MYO9A: variants seen among roughly 807,000 people sequenced by gnomAD.
The protein encoded by MYO9A is myosin IXA.
Under a neutral mutation model 293.3 loss-of-function variants are expected in MYO9A, and 103 were observed. The observed-to-expected ratio is 0.35, with a 90% CI of 0.30 to 0.41. The LOEUF (loss-of-function observed/expected upper bound fraction) is 0.41, where lower values mean the gene tolerates loss of function less well. Among genes scored for constraint, MYO9A ranks in the 10% least tolerant of loss-of-function variants. MYO9A has a pLI of 1.00. For missense variants in MYO9A, 2,685 were observed against 3,033.0 expected, an observed-to-expected ratio of 0.89 and a Z score of 2.69; for synonymous variants, 1,001 against 1,035.7, an observed-to-expected ratio of 0.97 and a Z score of 0.64.
At chr15:72,053,108 CT>C (rs1196834475) in intron 1 of MYO9A, among the ~76,000 whole-genome samples, 2 of 151,970 alleles carry the variant, frequency 1.3e-5, no homozygotes, top group Non-Finnish European at 2.9e-5. Context: ...CTAAAAAAGA[CT>C]TTTTTTTAGG....
chr15:71,904,861 A>G (rs2057585415), intron 20 of MYO9A, 65 bp downstream of exon 20: 2 of 1,199,494 alleles, frequency 1.7e-6, no homozygotes, highest in South Asian at 1.5e-5. Context: ...ATTCTGCTTA[A>G]AAGTATTTAA....
Position 71,935,632 on chromosome 15 carries a change from C to A in MYO9A, c.2379-148G>T, listed in dbSNP as rs2058619659. 3.2e-5 allele frequency: 23 copies of A among 723,926 alleles called. No homozygotes were observed. The South Asian group carries it at 4.8e-4, about 15-fold the overall frequency. 44.8% of individuals were successfully genotyped at this position (723,926 alleles called of 1,614,324 possible). A position where few individuals can be genotyped will look rare whatever the true frequency, so the allele number is the denominator to read the frequency against. ...AAACTGATTTCATCCAAATGACTGCCAATCAGTTGGGACTAACCGTTGTCT... is the reference window on the plus strand; with the variant it reads ...AAACTGATTTCATCCAAATGACTGCAAATCAGTTGGGACTAACCGTTGTCT... On this transcript the variant is annotated intron_variant, in intron 16 of 41. Transcript: ENST00000356056.
intron 4 of MYO9A, among the ~76,000 whole-genome samples, chr15:72,026,286 AAAAAAAAAAAGAAAG>A (rs1197019032): frequency 6.9e-6 from 1 of 144,742 alleles, no homozygotes; most frequent in African/African-American, 2.5e-5. Context: ...AAAAAAAAAA[AAAAAAAAAAAGAAAG>A]AAAAGAAATC....
chr15:71,829,753 G>A lies in MYO9A; in HGVS notation c.7040+356C>T, dbSNP rs111760804. Among the ~76,000 whole-genome samples, 32 of 152,058 alleles carry A rather than the reference G, an allele frequency of 2.1e-4. 1 individual carries two copies. Among genetic ancestry groups the A allele is most frequent in the Middle Eastern group, 3.4e-3 (1 of 294 alleles). ...AATCTGTTCATGGAGGCTGGTCTCCGACCTGTTAGGACTCCAGTACCTCAT... is the reference window on the plus strand; with the variant it reads ...AATCTGTTCATGGAGGCTGGTCTCCAACCTGTTAGGACTCCAGTACCTCAT... On this transcript the variant is annotated intron_variant, in intron 40 of 41. Coordinates refer to ENST00000356056, the MANE Select transcript of MYO9A (RefSeq NM_006901.4).
At chr15:71,885,515 A>C (rs1567229600) in intron 27 of MYO9A, among the ~76,000 whole-genome samples, 1 of 152,080 alleles carries the variant, frequency 6.6e-6, no homozygotes, top group Non-Finnish European at 1.5e-5. Context: ...CTTGTTGAAA[A>C]AAATCTCTCC....
rs1191908867 is a variant in MYO9A, at chr15:71,928,027, AATATATATATAT to A, written c.2562+5631_2562+5642del. Among the ~76,000 whole-genome samples the A allele has an allele frequency of 7.2e-3, 77 of 10,754 alleles. 1 individual carries two copies. Among genetic ancestry groups the A allele is most frequent in the African/African-American group, 0.011 (48 of 4,526 alleles). 7.1% of individuals were successfully genotyped at this position (10,754 alleles called of 152,430 possible). ...GCTGTTTTGATTACAATACCTTTCT[AATATATATATAT>A]ATATATATATATATATATTTTTTTT... On this transcript the variant is annotated intron_variant, in intron 18 of 41. Coordinates refer to ENST00000356056, the MANE Select transcript of MYO9A (RefSeq NM_006901.4).
At position 71,898,791 on chromosome 15, in the gene MYO9A, C is replaced by T. The variant is rs1464417728; in HGVS notation, c.3712G>A (p.Ala1238Thr). The T allele has an allele frequency of 3.7e-6, 6 of 1,614,156 alleles. No homozygotes were observed. Among genetic ancestry groups the T allele is most frequent in the Non-Finnish European group, 5.1e-6 (6 of 1,180,032 alleles). Residue 1238 changes from alanine (A) to threonine (T), a missense_variant, in exon 25 of 42, where the codon GCC becomes ACC. Physicochemically the swap from Ala to Thr is moderately conservative, Grantham distance 58. Around this residue, in one of 10 missense-constraint regions of MYO9A, gnomAD observed 1,434 missense variants for 1,497.7 expected, o/e 0.96. Transcript: ENST00000356056. ...KESPNKQQERAQSQSGVDLQE... is the reference protein window; with the variant it reads ...KESPNKQQERTQSQSGVDLQE... ...AAGTCCACACCACTCTGGCTTTGGG[C>T]TCTCTCCTGCTGCTTGTTTGGTGAC...
At position 71,973,999 on chromosome 15, in the gene MYO9A, C is replaced by T. The variant is rs537832942; in HGVS notation, c.1844+4172G>A. On this transcript the variant is annotated intron_variant, in intron 12 of 41. Coordinates refer to ENST00000356056, the MANE Select transcript of MYO9A (RefSeq NM_006901.4). ...GGTAAGTGAGACTGATGCTGGTAGC[C>T]CTGGGGGGCTACAAATGAATGGGTC... is the stretch of plus-strand genomic sequence containing the variant. 2.0e-5 allele frequency among the ~76,000 whole-genome samples: 3 copies of T among 152,204 alleles called. No homozygotes were observed. In the South Asian group the frequency reaches 6.2e-4, roughly 32 times the overall value.
intron 18 of MYO9A, among the ~76,000 whole-genome samples, chr15:71,921,637 C>T (rs1227130307): frequency 6.6e-6 from 1 of 152,086 alleles, no homozygotes; most frequent in Non-Finnish European, 1.5e-5. Context: ...CCTGTGTAAA[C>T]AGGAGATATT....
chr15:71,998,753 A>T (rs1049266915), intron 9 of MYO9A, among the ~76,000 whole-genome samples: 1 of 150,638 alleles, frequency 6.6e-6, no homozygotes, highest in Non-Finnish European at 1.5e-5. Context: ...AACAGTCCCC[A>T]GAGTGTGATG....
At chr15:71,937,547 T>C (rs1163538692) in intron 16 of MYO9A, among the ~76,000 whole-genome samples, 6 of 152,166 alleles carry the variant, frequency 3.9e-5, no homozygotes, top group African/African-American at 1.4e-4. Flanking sequence ...CATAATACTA[T>C]TGCACAATTG....
intron 24 of MYO9A, among the ~76,000 whole-genome samples, chr15:71,899,429 A>G (rs530720750): frequency 1.3e-5 from 2 of 152,344 alleles, no homozygotes; most frequent in South Asian, 4.1e-4. Context: ...TATAAGATTC[A>G]GCCTAATGTA....
At chr15:72,042,759 T>C (rs1217525974) in intron 2 of MYO9A, among the ~76,000 whole-genome samples, 2 of 151,506 alleles carry the variant, frequency 1.3e-5, no homozygotes, top group African/African-American at 4.8e-5. Context: ...ATGGAATCTA[T>C]AAAAAAGCTG....
chr15:71,955,933 A>C (rs1175509859), intron 14 of MYO9A, among the ~76,000 whole-genome samples: 1 of 152,108 alleles, frequency 6.6e-6, no homozygotes, highest in African/African-American at 2.4e-5. Flanking sequence ...ACATAAATGG[A>C]ATGATACAAT....
intron 32 of MYO9A, among the ~76,000 whole-genome samples, chr15:71,868,480 A>G (rs2056408536): frequency 1.3e-5 from 2 of 152,100 alleles, no homozygotes; most frequent in Admixed American, 1.3e-4. Context: ...TCCAAAATAA[A>G]CTGTTATGTT....
At chr15:72,094,931 A>G (rs1213363050) in intron 1 of MYO9A, among the ~76,000 whole-genome samples, 1 of 91,720 alleles carries the variant, frequency 1.1e-5, no homozygotes, top group African/African-American at 2.6e-5. Flanking sequence ...GAACTTAATC[A>G]ATCAATGTTA....
rs896391571 is a variant in MYO9A at position 71,948,953 on chromosome 15, AG to A, written c.2302+2823del. 3.8e-4 allele frequency among the ~76,000 whole-genome samples: 21 copies of A among 55,452 alleles called. 1 individual carries two copies. Among genetic ancestry groups the A allele is most frequent in the African/African-American group, 1.2e-3 (21 of 17,452 alleles). 36.4% of individuals were successfully genotyped at this position (55,452 alleles called of 152,430 possible). Reference sequence around the variant, plus strand: ...AATTCTGGTTCAAATTTTTTTTGTGAGGGGGGGGGATGTGACATATTAAACA... The same window carrying A: ...AATTCTGGTTCAAATTTTTTTTGTGAGGGGGGGGATGTGACATATTAAACA... On this transcript the variant is annotated intron_variant, in intron 15 of 41. Coordinates refer to ENST00000356056, the MANE Select transcript of MYO9A (RefSeq NM_006901.4).
chr15:71,925,809 T>C (rs2058297850), intron 18 of MYO9A, among the ~76,000 whole-genome samples: 1 of 152,234 alleles, frequency 6.6e-6, no homozygotes, highest in Non-Finnish European at 1.5e-5. Context: ...TAAAAGACTA[T>C]ATGCCACCAT....
intron 18 of MYO9A, among the ~76,000 whole-genome samples, chr15:71,932,961 TAATAA>T (rs894857236): frequency 6.6e-6 from 1 of 151,210 alleles, no homozygotes; most frequent in Admixed American, 6.6e-5. Context: ...CTATACACAT[TAATAA>T]AACAAACAAA....
Sources: allele counts gnomAD v4.1 joint callset (sites outside exome capture counted in the v4.1 genomes callset), GRCh38; gene constraint gnomAD v4.1.1; regional missense constraint gnomAD v4.1.1; transcripts MANE v1.5; gene names NCBI Gene and HGNC (gene_info 2026-07-23, HGNC 2026-07-21).